USH2A: variants seen among roughly 807,000 people sequenced by gnomAD.
USH2A encodes usherin.
Under a neutral mutation model 538.9 loss-of-function variants are expected in USH2A, and 443 were observed. The observed-to-expected ratio is 0.82, with a 90% CI of 0.76 to 0.89. The LOEUF is 0.89. Ranked by LOEUF, USH2A falls within the 40% of genes least tolerant of loss-of-function variation. USH2A has a pLI of 0.00. For missense variants in USH2A, 6,633 were observed against 6,324.8 expected (o/e 1.05, Z -1.65); for synonymous variants, 2,413 against 2,273.5 (o/e 1.06, Z -1.75).
rs76748248 is a variant in USH2A at position 215,925,520 on chromosome 1, A to G, written c.7300+9096T>C. Among the ~76,000 whole-genome samples, 30 of 152,284 alleles carry G rather than the reference A, an allele frequency of 2.0e-4. No individual in the cohort carries two copies. In the East Asian group the frequency reaches 5.6e-3, roughly 28 times the overall value. On this transcript the variant is annotated intron_variant, in intron 38 of 71. Transcript: ENST00000307340. Reference sequence around the variant, plus strand: ...GTAGCTTTTAATATACTGAAGGTAAAGACAAACCATCTGTTTATGTGGTAG... The same window carrying G: ...GTAGCTTTTAATATACTGAAGGTAAGGACAAACCATCTGTTTATGTGGTAG...
intron 61 of USH2A, among the ~76,000 whole-genome samples, chr1:215,696,945 CTTTT>C (rs141814764): frequency 1.3e-5 from 2 of 148,236 alleles, no homozygotes; most frequent in East Asian, 2.0e-4. Flanking sequence ...ATTACACCCT[CTTTT>C]TTTTTTGTTT....
intron 32 of USH2A, among the ~76,000 whole-genome samples, chr1:216,015,768 G>A (rs1342897813): frequency 6.6e-6 from 1 of 152,194 alleles, no homozygotes; most frequent in African/African-American, 2.4e-5. Flanking sequence ...CTGATGGCCA[G>A]TGATGATGAG....
chr1:216,298,747 C>T lies in USH2A; in HGVS notation c.1645-6377G>A, dbSNP rs185526020. Among the ~76,000 whole-genome samples, 514 of 152,188 alleles carry T rather than the reference C, an allele frequency of 3.4e-3. 4 individuals are homozygous for T. Among genetic ancestry groups the T allele is most frequent in the African/African-American group, 0.012 (497 of 41,520 alleles). On this transcript the variant is annotated intron_variant, in intron 9 of 71. Coordinates refer to ENST00000307340, the MANE Select transcript of USH2A (RefSeq NM_206933.4). ...TAGAAAGGGCCAGTGCAGAACACTG[C>T]TTGTAGGAGAGGAGTTTATCCACTC...
intron 64 of USH2A, among the ~76,000 whole-genome samples, chr1:215,664,741 G>A (rs140487197): frequency 0.029 from 4,342 of 152,188 alleles, 85 homozygotes; most frequent in Middle Eastern, 0.072. Context: ...GCATAGGGTG[G>A]AGCCCTCATG....
intron 33 of USH2A, among the ~76,000 whole-genome samples, chr1:215,999,513 T>C (rs1381106775): frequency 6.6e-6 from 1 of 152,148 alleles, no homozygotes; most frequent in Non-Finnish European, 1.5e-5. Flanking sequence ...ACTTCTTGAA[T>C]GAAGTGACAC....
chr1:216,353,682 G>A (rs1571732247), intron 4 of USH2A, among the ~76,000 whole-genome samples: 1 of 152,034 alleles, frequency 6.6e-6, no homozygotes, highest in African/African-American at 2.4e-5. Flanking sequence ...TATAGACAGA[G>A]TTGTGCCAAA....
chr1:216,293,515 A>G (rs1181557154), intron 9 of USH2A, among the ~76,000 whole-genome samples: 1 of 152,188 alleles, frequency 6.6e-6, no homozygotes, highest in Admixed American at 6.5e-5. Context: ...ACTTATGTTA[A>G]GTTCACCTTC....
In USH2A at chr1:215,851,030, G is replaced by A. The variant is rs1377624956; in HGVS notation, c.8846-4997C>T. On this transcript the variant is annotated intron_variant, in intron 44 of 71. Transcript: ENST00000307340. ...TGATACAACCTATCAAAACTTCTTG[G>A]ATATAACAAAAGCAGTGTTAAGAGG... Among the ~76,000 whole-genome samples the A allele has an allele frequency of 2.6e-5, 4 of 152,042 alleles. 1 individual carries two copies. The highest frequency in any genetic ancestry group is 2.6e-4 in the Admixed American group (4 of 15,260).
chr1:216,328,467 A>G (rs1182529951), intron 4 of USH2A, among the ~76,000 whole-genome samples: 3 of 152,152 alleles, frequency 2.0e-5, no homozygotes, highest in Non-Finnish European at 4.4e-5. Flanking sequence ...TTATATTTTT[A>G]ATAACAAAAT....
intron 3 of USH2A, among the ~76,000 whole-genome samples, chr1:216,365,904 A>G (rs1016882318): frequency 2.0e-4 from 31 of 152,090 alleles, no homozygotes. Context: ...TAGCTTGATA[A>G]CTCTTGGATT....
intron 65 of USH2A, 94 bp downstream of exon 65, chr1:215,650,498 A>G: frequency 6.9e-7 from 1 of 1,443,060 alleles, no homozygotes; most frequent in Admixed American, 1.8e-5. Flanking sequence ...AGGATAAGAA[A>G]GATGGAGGGA....
intron 11 of USH2A, among the ~76,000 whole-genome samples, chr1:216,268,339 G>A (rs533691076): frequency 3.3e-5 from 5 of 152,120 alleles, no homozygotes; most frequent in Admixed American, 6.6e-5. Flanking sequence ...AAGTCTTCAC[G>A]TATTTATCAA....
At chr1:215,635,981 G>A (rs1243681002) in intron 69 of USH2A, among the ~76,000 whole-genome samples, 1 of 151,738 alleles carries the variant, frequency 6.6e-6, no homozygotes, top group Non-Finnish European at 1.5e-5. Context: ...AGGGGTGGGG[G>A]TGGGGTGGCC....
intron 53 of USH2A, 47 bp downstream of exon 53, chr1:215,782,691 T>A (rs529900406): frequency 4.1e-5 from 65 of 1,593,262 alleles, no homozygotes; most frequent in Non-Finnish European, 5.3e-5. Context: ...AATTTTCTTA[T>A]GAATTTATGG....
At chr1:215,729,869 G>A (rs1188658263) in intron 60 of USH2A, among the ~76,000 whole-genome samples, 1 of 152,148 alleles carries the variant, frequency 6.6e-6, no homozygotes, top group Non-Finnish European at 1.5e-5. Context: ...GCAAGCCTCT[G>A]GCCTTGGCCT....
Position 215,766,693 on chromosome 1 carries a change from C to T in USH2A, c.11035G>A (p.Ala3679Thr). Residue 3679 changes from alanine (A) to threonine (T), a missense_variant, in exon 56 of 72, where the codon GCA becomes ACA. Coordinates refer to ENST00000307340, the MANE Select transcript of USH2A (RefSeq NM_206933.4). ...SEPFLGQTLQAAPEGVWVTPR... is the reference protein window; with the variant it reads ...SEPFLGQTLQTAPEGVWVTPR... ...ATTGTTTCATTACCTTCAGGAGCTGCCTGCAGTGTCTGACCTAGAAAAGGC... is the reference window on the plus strand; with the variant it reads ...ATTGTTTCATTACCTTCAGGAGCTGTCTGCAGTGTCTGACCTAGAAAAGGC... 6.2e-7 allele frequency: 1 copy of T among 1,613,476 alleles called. No homozygotes were observed. The highest frequency in any genetic ancestry group is 8.5e-7 in the Non-Finnish European group (1 of 1,179,500).
chr1:216,375,193 A>G (rs934958705), intron 3 of USH2A, among the ~76,000 whole-genome samples: 1 of 152,174 alleles, frequency 6.6e-6, no homozygotes, highest in African/African-American at 2.4e-5. Context: ...GCCCCTAACA[A>G]GAGACTCAGT....
intron 13 of USH2A, among the ~76,000 whole-genome samples, chr1:216,241,946 C>T (rs2035946420): frequency 6.6e-6 from 1 of 152,126 alleles, no homozygotes; most frequent in South Asian, 2.1e-4. Flanking sequence ...GTAGAATGGG[C>T]ATCAACACTA....
Position 216,089,005 on chromosome 1 carries a change from G to T in USH2A, c.4885+8C>A. ...CAGGGCTATTTATACATATCAAAAA[G>T]TACTTACCTGTATATATCCCATCCA... On this transcript the variant is annotated splice_region_variant and intron_variant, in intron 23 of 71. Transcript: ENST00000307340. 1 of 1,613,088 alleles carries T rather than the reference G, an allele frequency of 6.2e-7. No individual in the cohort carries two copies. Among genetic ancestry groups the T allele is most frequent in the African/African-American group, 1.3e-5 (1 of 74,952 alleles).
Sources: gnomAD v4.1 joint callset for allele counts (sites outside exome capture counted in the v4.1 genomes callset) on GRCh38, gnomAD v4.1.1 for gene constraint, MANE v1.5 for transcripts, NCBI Gene and HGNC (gene_info 2026-07-23, HGNC 2026-07-21) for gene names.